CTNNA3: variants seen among roughly 807,000 people sequenced by gnomAD.
CTNNA3 encodes the protein catenin alpha 3.
A neutral mutation model predicts 95.7 loss-of-function variants in CTNNA3; 76 were observed. The ratio of observed to expected loss-of-function variants is 0.79; its 90% CI spans 0.66 to 0.96. CTNNA3 has a LOEUF of 0.96. Among genes scored for constraint, CTNNA3 ranks in the 40% least tolerant of loss-of-function variants. The pLI, the probability that CTNNA3 is intolerant of heterozygous loss-of-function variation, is 0.00. For synonymous variants in CTNNA3, 431 were observed against 374.4 expected, an observed-to-expected ratio of 1.15 and a Z score of -1.74; for missense variants, 1,191 against 1,089.8, an observed-to-expected ratio of 1.09 and a Z score of -1.31.
chr10:67,204,377 C>CT (rs143931273), intron 6 of CTNNA3, among the ~76,000 whole-genome samples: 2,862 of 151,830 alleles, frequency 0.019, 137 homozygotes, highest in East Asian at 0.19. Flanking sequence ...CACCTCCCCC[C>CT]CTCTCTCTTC....
At chr10:66,006,408 A>T (rs1305906293) in intron 15 of CTNNA3, among the ~76,000 whole-genome samples, 4 of 152,082 alleles carry the variant, frequency 2.6e-5, no homozygotes, top group African/African-American at 9.7e-5. Context: ...CCAAAAGACT[A>T]AAAGTCATTA....
intron 5 of CTNNA3, among the ~76,000 whole-genome samples, chr10:67,496,307 T>C (rs1263877220): frequency 1.3e-5 from 2 of 152,202 alleles, no homozygotes; most frequent in Non-Finnish European, 2.9e-5. Context: ...TATTCATGAA[T>C]ATATGGCTTA....
intron 7 of CTNNA3, among the ~76,000 whole-genome samples, chr10:66,983,252 G>T (rs1018029740): frequency 7.9e-5 from 12 of 151,998 alleles, no homozygotes; most frequent in African/African-American, 2.9e-4. Flanking sequence ...TTCCATCCTA[G>T]CCCCCTCCCA....
chr10:67,330,147 T>C (rs1841721529), intron 5 of CTNNA3, among the ~76,000 whole-genome samples: 1 of 152,256 alleles, frequency 6.6e-6, no homozygotes, highest in South Asian at 2.1e-4. Context: ...GAGGTATAGC[T>C]GCTATTACTG....
chr10:67,432,831 T>C (rs1846157126), intron 5 of CTNNA3, among the ~76,000 whole-genome samples: 1 of 152,072 alleles, frequency 6.6e-6, no homozygotes. Flanking sequence ...ACAACGATCA[T>C]GAGAGATATA....
chr10:67,318,580 C>G (rs975667157), intron 5 of CTNNA3, among the ~76,000 whole-genome samples: 4 of 152,202 alleles, frequency 2.6e-5, no homozygotes, highest in Admixed American at 2.0e-4. Flanking sequence ...AATTTTCCAC[C>G]TTCATCTCCA....
intron 7 of CTNNA3, chr10:67,054,966 C>G (rs747420588): frequency 6.6e-6 from 1 of 151,944 alleles, no homozygotes; most frequent in East Asian, 1.9e-4. Flanking sequence ...TTAGTTTATA[C>G]AATAACTTTC....
chr10:66,764,638 G>T (rs1839766905), intron 9 of CTNNA3, among the ~76,000 whole-genome samples: 1 of 152,058 alleles, frequency 6.6e-6, no homozygotes, highest in Admixed American at 6.6e-5. Context: ...TTCATAATTT[G>T]GTGTGTCTTC....
chr10:67,216,199 T>C (rs575284600), intron 6 of CTNNA3, among the ~76,000 whole-genome samples: 3 of 152,132 alleles, frequency 2.0e-5, no homozygotes, highest in Non-Finnish European at 4.4e-5. Context: ...TTCCCCAAAA[T>C]TATTACCCTT....
intron 10 of CTNNA3, among the ~76,000 whole-genome samples, chr10:66,600,886 A>G (rs1457117288): frequency 2.0e-5 from 3 of 151,930 alleles, no homozygotes; most frequent in African/African-American, 7.2e-5. Context: ...GGGTAGTAGA[A>G]AAGTCTATGT....
At chr10:66,646,531 TG>T (rs1845713884) in intron 9 of CTNNA3, among the ~76,000 whole-genome samples, 1 of 152,136 alleles carries the variant, frequency 6.6e-6, no homozygotes, top group South Asian at 2.1e-4. Context: ...AGACATCTTT[TG>T]TTGGTAATCT....
intron 9 of CTNNA3, among the ~76,000 whole-genome samples, chr10:66,760,334 C>T (rs1381126745): frequency 6.6e-6 from 1 of 152,146 alleles, no homozygotes; most frequent in Non-Finnish European, 1.5e-5. Context: ...GTTCAACTGC[C>T]TCTATCCCAT....
At chr10:67,706,836 C>G (rs974978305) in intron 1 of CTNNA3, among the ~76,000 whole-genome samples, 4 of 152,158 alleles carry the variant, frequency 2.6e-5, no homozygotes, top group Non-Finnish European at 5.9e-5. Flanking sequence ...CCAGACCTCT[C>G]TCATGACCCC....
At chr10:66,378,676 G>C (rs1564910885) in intron 12 of CTNNA3, among the ~76,000 whole-genome samples, 1 of 152,194 alleles carries the variant, frequency 6.6e-6, no homozygotes. Flanking sequence ...AATCAAAGAA[G>C]ATTATGTGCA....
intron 13 of CTNNA3, among the ~76,000 whole-genome samples, chr10:66,262,374 T>A (rs2091032097): frequency 6.6e-6 from 1 of 152,028 alleles, no homozygotes; most frequent in Non-Finnish European, 1.5e-5. Context: ...TTTCATTTTT[T>A]TCTGGTGTGT....
intron 11 of CTNNA3, among the ~76,000 whole-genome samples, chr10:66,490,986 A>G (rs572834549): frequency 1.3e-5 from 2 of 152,206 alleles, no homozygotes; most frequent in Non-Finnish European, 2.9e-5. Context: ...CTTGTCCCAC[A>G]TGATACAATT....
At chr10:66,549,134 C>T (rs1486048815) in intron 10 of CTNNA3, among the ~76,000 whole-genome samples, 1 of 151,808 alleles carries the variant, frequency 6.6e-6, no homozygotes, top group African/African-American at 2.4e-5. Flanking sequence ...GACTACAGTA[C>T]AGGCGCCCGC....
intron 9 of CTNNA3, among the ~76,000 whole-genome samples, chr10:66,639,817 T>C (rs1268170903): frequency 6.6e-6 from 1 of 152,172 alleles, no homozygotes; most frequent in African/African-American, 2.4e-5. Flanking sequence ...AAAGCTAAAA[T>C]AACATGAATA....
chr10:66,162,111 A>T (rs1353776240), intron 13 of CTNNA3, among the ~76,000 whole-genome samples: 1 of 150,172 alleles, frequency 6.7e-6, no homozygotes, highest in African/African-American at 2.5e-5. Context: ...CACTTCTTGT[A>T]TCTTGTTTTG....
Sources: allele counts gnomAD v4.1 joint callset (sites outside exome capture counted in the v4.1 genomes callset), GRCh38; gene constraint gnomAD v4.1.1; transcripts MANE v1.5; gene names NCBI Gene and HGNC (gene_info 2026-07-23, HGNC 2026-07-21).